Variants in PCDHA11 observed in about 807,000 individuals in gnomAD.
PCDHA11 encodes the protein protocadherin alpha-11.
PCDHA11 carries 61 observed loss-of-function variants against 70.3 expected under a neutral mutation model. That is an observed-to-expected ratio of 0.87 (90% CI 0.71 to 1.07). The LOEUF (loss-of-function observed/expected upper bound fraction) is 1.07. PCDHA11 is among the 50% of genes least tolerant of loss of function. The probability of loss-of-function intolerance (pLI) is 0.00; values close to 1 mark genes in which losing one functional copy is unlikely to be tolerated. For missense variants in PCDHA11, 1,324 were observed against 1,237.5 expected, an observed-to-expected ratio of 1.07 and a Z score of -1.05; for synonymous variants, 633 against 555.1, an observed-to-expected ratio of 1.14 and a Z score of -1.97.
In PCDHA11 at chr5:140,877,669, G is replaced by A. The variant is rs548426920; in HGVS notation, c.2391+6175G>A. The A allele has an allele frequency of 1.4e-4, 219 of 1,613,638 alleles. 3 individuals are homozygous for A. The South Asian group carries it at 2.2e-3, about 17-fold the overall frequency. On this transcript the variant is annotated intron_variant, in intron 1 of 3. Coordinates refer to ENST00000398640, the MANE Select transcript of PCDHA11 (RefSeq NM_018902.5). ...AGCGCCGCCCACCGTGAGCCGGTGC[G>A]CGCCGGGCAAGCCCACGCTGGTGTG...
At chr5:140,917,337 G>T (rs1563019639) in intron 1 of PCDHA11, among the ~76,000 whole-genome samples, 1 of 142,560 alleles carries the variant, frequency 7.0e-6, no homozygotes, top group Non-Finnish European at 1.6e-5. Context: ...GGGAGGGGGG[G>T]GATGGTGTAG....
At chr5:140,906,502 C>G (rs182726471) in intron 1 of PCDHA11, among the ~76,000 whole-genome samples, 2 of 152,298 alleles carry the variant, frequency 1.3e-5, no homozygotes, top group African/African-American at 4.8e-5. Context: ...ATGTTTTTAA[C>G]AAAGAAGGAG....
chr5:140,926,819 C>T, intron 1 of PCDHA11: 1 of 1,493,950 alleles, frequency 6.7e-7, no homozygotes. Context: ...CTCGTGCTCT[C>T]CAGGAGTCCG....
At chr5:140,882,024 G>C in intron 1 of PCDHA11, 1 of 580,388 alleles carries the variant, frequency 1.7e-6, no homozygotes, top group East Asian at 3.1e-5. Flanking sequence ...CTACATCAAT[G>C]GAAAATATGA....
At chr5:140,912,200 T>C (rs191284675) in intron 1 of PCDHA11, among the ~76,000 whole-genome samples, 123 of 152,280 alleles carry the variant, frequency 8.1e-4, no homozygotes, top group African/African-American at 2.8e-3. Flanking sequence ...CCCACCCAGA[T>C]TGAGGGTAGA....
intron 1 of PCDHA11, among the ~76,000 whole-genome samples, chr5:140,894,883 A>ACC (rs1407725642): frequency 6.6e-6 from 1 of 152,200 alleles, no homozygotes; most frequent in African/African-American, 2.4e-5. Flanking sequence ...TTTAGAAGAA[A>ACC]CAGACCAGGA....
intron 1 of PCDHA11, among the ~76,000 whole-genome samples, chr5:140,921,752 C>T (rs1429216387): frequency 6.6e-6 from 1 of 152,130 alleles, no homozygotes; most frequent in Non-Finnish European, 1.5e-5. Context: ...TAACAGGACA[C>T]TTCTTGGCTA....
At chr5:140,871,636 T>C in intron 1 of PCDHA11, 142 bp downstream of exon 1, 1 of 1,364,788 alleles carries the variant, frequency 7.3e-7, no homozygotes, top group Non-Finnish European at 9.8e-7. Flanking sequence ...TGTCTGTTCA[T>C]AAAATACCAA....
intron 1 of PCDHA11, among the ~76,000 whole-genome samples, chr5:140,906,614 TTTG>T (rs1448753363): frequency 6.6e-6 from 1 of 152,208 alleles, no homozygotes; most frequent in Non-Finnish European, 1.5e-5. Flanking sequence ...CTGTATTCCC[TTTG>T]CCTTCAGCAA....
At chr5:140,882,039 TGA>T (rs781834736) in intron 1 of PCDHA11, 12 of 658,206 alleles carry the variant, frequency 1.8e-5, no homozygotes, top group Non-Finnish European at 2.9e-5. Flanking sequence ...ATATGAAGAC[TGA>T]GTCATACTTA....
chr5:140,908,596 T>C (rs1311064984), intron 1 of PCDHA11, among the ~76,000 whole-genome samples: 1 of 152,120 alleles, frequency 6.6e-6, no homozygotes, highest in African/African-American at 2.4e-5. Flanking sequence ...CTGCAGAAGA[T>C]GGAAGGGCCT....
At chr5:140,905,376 C>G in intron 1 of PCDHA11, among the ~76,000 whole-genome samples, 1 of 152,174 alleles carries the variant, frequency 6.6e-6, no homozygotes, top group East Asian at 1.9e-4. Context: ...GTTCTCTGTT[C>G]TGTTTCATAG....
chr5:140,902,102 G>T (rs1407664200), intron 1 of PCDHA11, among the ~76,000 whole-genome samples: 1 of 151,098 alleles, frequency 6.6e-6, no homozygotes, highest in Non-Finnish European at 1.5e-5. Flanking sequence ...GGAGTCTTTA[G>T]ATTTTTTTAA....
chr5:140,947,315 C>T (rs116397497), intron 1 of PCDHA11, among the ~76,000 whole-genome samples: 3,556 of 151,556 alleles, frequency 0.023, 49 homozygotes, highest in Middle Eastern at 0.034. Flanking sequence ...TGTAAAAAGT[C>T]GGTTGACCAT....
chr5:141,007,393 T>C (rs1485010105), intron 3 of PCDHA11, among the ~76,000 whole-genome samples: 2 of 23,410 alleles, frequency 8.5e-5, no homozygotes, highest in African/African-American at 2.3e-4. Context: ...TCTACTAAAA[T>C]ACAAAAAAAA....
At chr5:140,966,889 C>T in intron 1 of PCDHA11, 1 of 1,593,902 alleles carries the variant, frequency 6.3e-7, no homozygotes, top group Non-Finnish European at 8.5e-7. Flanking sequence ...GCCCTGCGGC[C>T]TCCCAGCTGC....
chr5:140,875,993 T>C lies in PCDHA11; in HGVS notation c.2391+4499T>C, dbSNP rs574636926. 5 of 1,613,988 alleles carry C rather than the reference T, an allele frequency of 3.1e-6. No homozygotes were observed. The Admixed American group carries it at 6.7e-5, about 22-fold the overall frequency. On this transcript the variant is annotated intron_variant, in intron 1 of 3. Transcript: ENST00000398640. The stretch of plus-strand genomic sequence containing the variant: ...TCTCTTTTGACCTATGCGTTAAGTC[T>C]AAATGAGAATTTTGAGCTTAAAATA...
At chr5:140,976,871 A>G (rs2096735171) in intron 1 of PCDHA11, among the ~76,000 whole-genome samples, 2 of 152,224 alleles carry the variant, frequency 1.3e-5, no homozygotes, top group Non-Finnish European at 2.9e-5. Flanking sequence ...TGTCTGACAA[A>G]GAAAGAATTA....
chr5:140,972,893 A>T (rs1452751778), intron 1 of PCDHA11, among the ~76,000 whole-genome samples: 1 of 151,858 alleles, frequency 6.6e-6, no homozygotes, highest in African/African-American at 2.4e-5. Context: ...CGATCTCTTG[A>T]CCTTGTGATC....
Sources: gnomAD v4.1 joint callset for allele counts (sites outside exome capture counted in the v4.1 genomes callset) on GRCh38, gnomAD v4.1.1 for gene constraint, MANE v1.5 for transcripts, NCBI Gene and HGNC (gene_info 2026-07-23, HGNC 2026-07-21) for gene names.